The following LOC128092252 variants were observed in gnomAD, a reference collection of about 807,000 sequenced individuals.
the LOC128092252 span, among the ~76,000 whole-genome samples, chr15:50,673,015 T>C: frequency 9.3e-4 from 141 of 151,976 alleles, no homozygotes; most frequent in African/African-American, 3.3e-3. Context: ...CAAAAAGTTT[T>C]AAAATGTTTA....
At chr15:50,679,517 T>TATATATATATATATGTGTATATATATA in the LOC128092252 span, among the ~76,000 whole-genome samples, 2 of 36,494 alleles carry the variant, frequency 5.5e-5, no homozygotes, top group Admixed American at 4.5e-4. Flanking sequence ...ATATAATATA[T>TATATATATATATATGTGTATATATATA]ATATATATAT....
At chr15:50,679,529 TATATATATA>T in the LOC128092252 span, among the ~76,000 whole-genome samples, 34 of 51,726 alleles carry the variant, frequency 6.6e-4, no homozygotes, top group African/African-American at 1.3e-3. Context: ...TATATATATA[TATATATATA>T]TTTTTTTTTT....
At chr15:50,671,212 C>T in the LOC128092252 span, among the ~76,000 whole-genome samples, 1 of 152,076 alleles carries the variant, frequency 6.6e-6, no homozygotes, top group African/African-American at 2.4e-5. Context: ...CAATCCCCAC[C>T]CAAGTCCCTG....
the LOC128092252 span, among the ~76,000 whole-genome samples, chr15:50,674,417 C>A: frequency 6.6e-6 from 1 of 152,200 alleles, no homozygotes; most frequent in South Asian, 2.1e-4. Flanking sequence ...CAGGGGTGAG[C>A]CGTGGCACCC....
the LOC128092252 span, among the ~76,000 whole-genome samples, chr15:50,653,032 TCA>T: frequency 2.6e-5 from 4 of 152,204 alleles, no homozygotes; most frequent in Middle Eastern, 6.8e-3. Flanking sequence ...GCACCTGTGG[TCA>T]CAGTTACTTG....
chr15:50,675,953 CCT>C, the LOC128092252 span, among the ~76,000 whole-genome samples: 1 of 152,156 alleles, frequency 6.6e-6, no homozygotes, highest in African/African-American at 2.4e-5. Context: ...AGTTTCAGAG[CCT>C]CTTTTTGCTT....
chr15:50,680,735 A>G, the LOC128092252 span, among the ~76,000 whole-genome samples: 1 of 152,278 alleles, frequency 6.6e-6, no homozygotes, highest in Admixed American at 6.5e-5. Context: ...AAAAAACCTT[A>G]ACTTTTTTAA....
chr15:50,668,714 G>C, the LOC128092252 span, among the ~76,000 whole-genome samples: 1 of 152,054 alleles, frequency 6.6e-6, no homozygotes, highest in Non-Finnish European at 1.5e-5. Flanking sequence ...CACTATGTTG[G>C]CCAGGCTGGT....
the LOC128092252 span, among the ~76,000 whole-genome samples, chr15:50,673,965 T>A: frequency 6.6e-6 from 1 of 152,134 alleles, no homozygotes; most frequent in East Asian, 1.9e-4. Context: ...CTTGCTGGAA[T>A]AAGGTGGTAT....
At chr15:50,675,371 G>C in the LOC128092252 span, among the ~76,000 whole-genome samples, 1 of 151,262 alleles carries the variant, frequency 6.6e-6, no homozygotes, top group African/African-American at 2.4e-5. Context: ...ATCTCCTACA[G>C]CCTTCCCTAC....
chr15:50,671,119 G>A, the LOC128092252 span, among the ~76,000 whole-genome samples: 681 of 152,174 alleles, frequency 4.5e-3, 4 homozygotes, highest in African/African-American at 0.016. Context: ...GTTATTTAGC[G>A]TAGTCACCAT....
At chr15:50,685,614 C>T in the LOC128092252 span, among the ~76,000 whole-genome samples, 1 of 152,226 alleles carries the variant, frequency 6.6e-6, no homozygotes, top group Non-Finnish European at 1.5e-5. Context: ...CAGACTCCAG[C>T]AGAGGGAGAG....
the LOC128092252 span, among the ~76,000 whole-genome samples, chr15:50,654,614 GCA>G: frequency 6.6e-6 from 1 of 151,450 alleles, no homozygotes; most frequent in Non-Finnish European, 1.5e-5. Context: ...TAATGAGAGT[GCA>G]CATGGTGCAT....
At chr15:50,678,782 C>T in the LOC128092252 span, among the ~76,000 whole-genome samples, 2 of 152,122 alleles carry the variant, frequency 1.3e-5, no homozygotes, top group Non-Finnish European at 2.9e-5. Flanking sequence ...GTAACCCCAA[C>T]ACTTTGGGAG....
chr15:50,667,052 T>C, the LOC128092252 span, among the ~76,000 whole-genome samples: 1 of 152,112 alleles, frequency 6.6e-6, no homozygotes, highest in Non-Finnish European at 1.5e-5. Flanking sequence ...TGGTAACATC[T>C]TTCTGGCAAA....
the LOC128092252 span, among the ~76,000 whole-genome samples, chr15:50,663,887 G>A: frequency 1.3e-5 from 2 of 151,798 alleles, no homozygotes; most frequent in African/African-American, 2.4e-5. Context: ...CGCCTAAGCC[G>A]AGGAGGCTGA....
chr15:50,663,103 A>T, the LOC128092252 span: 3 of 1,352,790 alleles, frequency 2.2e-6, no homozygotes, highest in Non-Finnish European at 3.1e-6. Flanking sequence ...ATAAGAAGGA[A>T]ACAATTTCAT....
At chr15:50,672,976 T>C in the LOC128092252 span, among the ~76,000 whole-genome samples, 1 of 150,418 alleles carries the variant, frequency 6.6e-6, no homozygotes, top group African/African-American at 2.4e-5. Context: ...CTGTACAATG[T>C]GTTTTATACG....
chr15:50,678,756 G>A, the LOC128092252 span, among the ~76,000 whole-genome samples: 1 of 152,262 alleles, frequency 6.6e-6, no homozygotes, highest in East Asian at 1.9e-4. Flanking sequence ...AAGGCCAGGT[G>A]CAGTGGCTTA....
Sources: gnomAD v4.1 joint callset for allele counts (sites outside exome capture counted in the v4.1 genomes callset) on GRCh38, gnomAD v4.1.1 for gene constraint, MANE v1.5 for transcripts.